The following ROCK2 variants were observed in gnomAD, a reference collection of about 807,000 sequenced individuals.
ROCK2 encodes the protein rho-associated protein kinase 2.
ROCK2 carries 61 observed loss-of-function variants against 195.1 expected under a neutral mutation model. The ratio of observed to expected loss-of-function variants is 0.31; its 90% CI spans 0.25 to 0.39. ROCK2 has a LOEUF of 0.39. Ranked by LOEUF, ROCK2 falls within the 10% of genes least tolerant of loss-of-function variation. The pLI, the probability that ROCK2 is intolerant of heterozygous loss-of-function variation, is 1.00. For missense variants in ROCK2, 1,109 were observed against 1,637.4 expected, an observed-to-expected ratio of 0.68 and a Z score of 5.57; for synonymous variants, 504 against 545.5, an observed-to-expected ratio of 0.92 and a Z score of 1.06.
intron 3 of ROCK2, among the ~76,000 whole-genome samples, chr2:11,255,085 C>T (rs913639834): frequency 2.0e-5 from 3 of 151,058 alleles, no homozygotes; most frequent in East Asian, 1.9e-4. Flanking sequence ...GGCATGGTGG[C>T]GGGCACCTGT....
At chr2:11,185,868 T>A (rs1299792732) in intron 32 of ROCK2, among the ~76,000 whole-genome samples, 1 of 152,228 alleles carries the variant, frequency 6.6e-6, no homozygotes, top group Non-Finnish European at 1.5e-5. Flanking sequence ...TCACCTGTAA[T>A]CACTATTGTC....
intron 8 of ROCK2, 87 bp downstream of exon 8, chr2:11,221,996 T>C (rs1664653903): frequency 3.9e-6 from 3 of 777,894 alleles, no homozygotes; most frequent in Non-Finnish European, 6.6e-6. Flanking sequence ...TTAAGTGTTA[T>C]CAAATATGCT....
intron 9 of ROCK2, among the ~76,000 whole-genome samples, chr2:11,219,372 A>G (rs1371954841): frequency 1.4e-5 from 2 of 144,100 alleles, no homozygotes; most frequent in Admixed American, 1.4e-4. Flanking sequence ...TTAGCCGGGC[A>G]TGGTGGTGGA....
At chr2:11,336,380 G>C (rs1668928654) in intron 1 of ROCK2, among the ~76,000 whole-genome samples, 1 of 152,134 alleles carries the variant, frequency 6.6e-6, no homozygotes, top group Non-Finnish European at 1.5e-5. Flanking sequence ...CTCCTGGGCA[G>C]CTAGGATCAC....
chr2:11,317,577 T>TATATATATATAAAAAAAAAAAAA (rs1558388049), intron 1 of ROCK2, among the ~76,000 whole-genome samples: 1 of 13,214 alleles, frequency 7.6e-5, no homozygotes, highest in African/African-American at 3.5e-4. Flanking sequence ...TCTACACATT[T>TATATATATATAAAAAAAAAAAAA]ATATATATAT....
intron 3 of ROCK2, among the ~76,000 whole-genome samples, chr2:11,277,360 G>C (rs1666860728): frequency 6.6e-6 from 1 of 152,046 alleles, no homozygotes; most frequent in South Asian, 2.1e-4. Context: ...AGGTTATTGG[G>C]GTACAGGTGG....
chr2:11,218,819 G>T, intron 10 of ROCK2, 147 bp downstream of exon 10: 1 of 522,120 alleles, frequency 1.9e-6, no homozygotes, highest in Non-Finnish European at 3.5e-6. Flanking sequence ...ATCAATCATT[G>T]CAATGCTATG....
intron 19 of ROCK2, 143 bp downstream of exon 19, chr2:11,208,144 A>G (rs1235507933): frequency 2.0e-5 from 9 of 445,520 alleles, no homozygotes; most frequent in Non-Finnish European, 3.3e-5. Flanking sequence ...TTCCTTTAGT[A>G]TATCATCAAA....
chr2:11,227,560 G>A (rs1483416094), intron 5 of ROCK2, among the ~76,000 whole-genome samples, 162 bp from the exon 6 acceptor site: 1 of 152,072 alleles, frequency 6.6e-6, no homozygotes, highest in Non-Finnish European at 1.5e-5. Flanking sequence ...TAAATACACT[G>A]GAAAATGCAT....
intron 11 of ROCK2, 39 bp downstream of exon 11, chr2:11,218,416 T>G: frequency 6.5e-7 from 1 of 1,530,926 alleles, no homozygotes; most frequent in Non-Finnish European, 8.9e-7. Flanking sequence ...GTGATGAGCT[T>G]TTCTCAGTTT....
intron 1 of ROCK2, among the ~76,000 whole-genome samples, chr2:11,303,969 C>G (rs1231425086): frequency 6.6e-6 from 1 of 152,058 alleles, no homozygotes; most frequent in East Asian, 1.9e-4. Flanking sequence ...AACTTGAAAA[C>G]TTTTTCTACT....
At chr2:11,234,984 TAC>T (rs1249850482) in intron 5 of ROCK2, among the ~76,000 whole-genome samples, 1 of 152,062 alleles carries the variant, frequency 6.6e-6, no homozygotes, top group Non-Finnish European at 1.5e-5. Flanking sequence ...AAAGATGAAA[TAC>T]AGTTTGCTGT....
intron 23 of ROCK2, among the ~76,000 whole-genome samples, chr2:11,199,187 A>C (rs898896372): frequency 3.3e-5 from 5 of 152,118 alleles, no homozygotes; most frequent in African/African-American, 1.2e-4. Context: ...TACAGGCATA[A>C]GCCAACACAC....
Position 11,201,516 on chromosome 2 carries a change from T to C in ROCK2, c.2620-103A>G. 1 of 687,788 alleles carries C rather than the reference T, an allele frequency of 1.5e-6. No homozygotes were observed. Among genetic ancestry groups the C allele is most frequent in the Non-Finnish European group, 2.5e-6 (1 of 392,860 alleles). 42.6% of individuals were successfully genotyped at this position (687,788 alleles called of 1,614,324 possible). A position where few individuals can be genotyped will look rare whatever the true frequency, so the allele number is the denominator to read the frequency against. On this transcript the variant is annotated intron_variant, in intron 21 of 32. Transcript: ENST00000315872. The surrounding 1 kb of genome is among the most constrained non-coding windows in gnomAD (Gnocchi z 4.6). ...AAGGAGAATGAACACATACAAATAT[T>C]TTCTTACTGCTAAGTCCCCGAGCAA... is the stretch of plus-strand genomic sequence containing the variant.
At chr2:11,288,204 C>T (rs546827510) in intron 1 of ROCK2, among the ~76,000 whole-genome samples, 2 of 152,310 alleles carry the variant, frequency 1.3e-5, no homozygotes, top group South Asian at 2.1e-4. Context: ...TAAATTTCCT[C>T]TTAAAACAAC....
chr2:11,261,650 T>C (rs1430658607), intron 3 of ROCK2, among the ~76,000 whole-genome samples: 1 of 151,938 alleles, frequency 6.6e-6, no homozygotes, highest in Non-Finnish European at 1.5e-5. Flanking sequence ...AACCCTGTCT[T>C]TACTAAAAAT....
upstream of ROCK2, among the ~76,000 whole-genome samples, chr2:11,344,964 CGGCCCCGA>C (rs1222145616): frequency 1.3e-5 from 2 of 150,926 alleles, no homozygotes; most frequent in East Asian, 2.0e-4. The surrounding 1 kb of genome is among the most constrained non-coding windows in gnomAD (Gnocchi z 5.4). Flanking sequence ...GACTACCCCG[CGGCCCCGA>C]GGCGGAACCC....
Position 11,220,011 on chromosome 2 carries a change from T to TC in ROCK2, c.1260-986_1260-985insG, listed in dbSNP as rs1450758007. Among the ~76,000 whole-genome samples, 28 of 150,654 alleles carry TC rather than the reference T, an allele frequency of 1.9e-4. 1 individual carries two copies. In the South Asian group the frequency reaches 3.6e-3, roughly 19 times the overall value. Reference sequence around the variant, plus strand: ...CAGGCGCAAACCACCACATCTGGCTTTTTTGTTGTTGTTGTTGTTGTTGAG... The same window carrying TC: ...CAGGCGCAAACCACCACATCTGGCTTCTTTTGTTGTTGTTGTTGTTGTTGAG... On this transcript the variant is annotated intron_variant, in intron 9 of 32. Coordinates refer to ENST00000315872, the MANE Select transcript of ROCK2 (RefSeq NM_004850.5).
chr2:11,239,699 T>C (rs933213693), intron 4 of ROCK2, among the ~76,000 whole-genome samples: 1 of 152,318 alleles, frequency 6.6e-6, no homozygotes, highest in African/African-American at 2.4e-5. Flanking sequence ...CAACTGGGTG[T>C]TCTGCAATGC....
Sources: allele counts gnomAD v4.1 joint callset (sites outside exome capture counted in the v4.1 genomes callset), GRCh38; gene constraint gnomAD v4.1.1; non-coding constraint Gnocchi (gnomAD v3.1); transcripts MANE v1.5; gene names NCBI Gene and HGNC (gene_info 2026-07-23, HGNC 2026-07-21).